Variants in AKAP6 observed in about 807,000 individuals in gnomAD.
The protein encoded by AKAP6 is A-kinase anchoring protein 6.
Under a neutral mutation model 188.5 loss-of-function variants are expected in AKAP6, and 58 were observed. That is an observed-to-expected ratio of 0.31 (90% confidence interval 0.25 to 0.38). AKAP6 has a LOEUF of 0.38. Among genes scored for constraint, AKAP6 ranks in the 10% least tolerant of loss-of-function variants. The pLI is 1.00. For missense variants in AKAP6, 2,710 were observed against 2,740.0 expected, an observed-to-expected ratio of 0.99 and a Z score of 0.24; for synonymous variants, 989 against 998.6, an observed-to-expected ratio of 0.99 and a Z score of 0.18.
At chr14:32,375,197 G>T (rs557780299) in intron 1 of AKAP6, among the ~76,000 whole-genome samples, 5 of 152,260 alleles carry the variant, frequency 3.3e-5, no homozygotes, top group Admixed American at 2.6e-4. Context: ...AGGGTTGAGA[G>T]AATAGAAAAA....
intron 2 of AKAP6, among the ~76,000 whole-genome samples, chr14:32,490,015 CA>C (rs1393524554): frequency 1.3e-5 from 2 of 151,730 alleles, no homozygotes; most frequent in African/African-American, 4.9e-5. Context: ...GTTTTTCGGA[CA>C]GGGGGTGGAT....
chr14:32,572,553 C>T lies in AKAP6; in HGVS notation c.2347-4567C>T, dbSNP rs149686002. On this transcript the variant is annotated intron_variant, in intron 4 of 13. Transcript: ENST00000280979. ...ACCGCCCAGACAGTTTATATTTAACCAAACAAGGCTTGTTGTAGAGGAGAA... is the reference window on the plus strand; with the variant it reads ...ACCGCCCAGACAGTTTATATTTAACTAAACAAGGCTTGTTGTAGAGGAGAA... Among the ~76,000 whole-genome samples the T allele has an allele frequency of 2.0e-5, 3 of 152,262 alleles. No homozygotes were observed. The East Asian group carries it at 5.8e-4, about 29-fold the overall frequency.
intron 9 of AKAP6, among the ~76,000 whole-genome samples, chr14:32,712,915 A>C (rs2139758396): frequency 6.6e-6 from 1 of 152,194 alleles, no homozygotes; most frequent in Non-Finnish European, 1.5e-5. Flanking sequence ...TAGAATGGTG[A>C]AGCCTTTTCA....
At chr14:32,466,263 A>G (rs1056485875) in intron 2 of AKAP6, among the ~76,000 whole-genome samples, 4 of 152,214 alleles carry the variant, frequency 2.6e-5, no homozygotes, top group African/African-American at 9.6e-5. Flanking sequence ...TCTTGTATAG[A>G]GATGCATGCA....
chr14:32,397,382 T>C (rs1888915869), intron 1 of AKAP6, among the ~76,000 whole-genome samples: 1 of 150,618 alleles, frequency 6.6e-6, no homozygotes, highest in South Asian at 2.1e-4. Context: ...ATTGTCTTTT[T>C]TTTTTTTTTT....
intron 11 of AKAP6, among the ~76,000 whole-genome samples, chr14:32,747,076 A>T (rs1445898087): frequency 6.6e-6 from 1 of 152,118 alleles, no homozygotes; most frequent in Non-Finnish European, 1.5e-5. Context: ...TGTTTCCTAA[A>T]ACCTCAGTGC....
At position 32,709,762 on chromosome 14, in the gene AKAP6, T is replaced by C. The variant is rs372568399; in HGVS notation, c.3000+13652T>C. On this transcript the variant is annotated intron_variant, in intron 9 of 13. Transcript: ENST00000280979. ...TGTAAATCCTCTCTGTTGGTGGTAT[T>C]AATTGTCAAATCAGCCAGAATCCAT... 2.0e-5 allele frequency among the ~76,000 whole-genome samples: 3 copies of C among 152,048 alleles called. No homozygotes were observed. The South Asian group carries it at 6.2e-4, about 32-fold the overall frequency.
chr14:32,535,372 C>A (rs1424789445), intron 2 of AKAP6, among the ~76,000 whole-genome samples, 182 bp from the exon 3 acceptor site: 1 of 152,184 alleles, frequency 6.6e-6, no homozygotes, highest in African/African-American at 2.4e-5. Flanking sequence ...ACCGAAGGCC[C>A]AGTGCACAGG....
chr14:32,735,445 T>C (rs548701053), intron 10 of AKAP6, among the ~76,000 whole-genome samples: 14 of 152,104 alleles, frequency 9.2e-5, no homozygotes, highest in Non-Finnish European at 1.8e-4. Context: ...CACTGAGAAT[T>C]CGAATACTAA....
chr14:32,750,731 AATTTTG>A (rs2032092630), intron 11 of AKAP6, among the ~76,000 whole-genome samples: 1 of 93,572 alleles, frequency 1.1e-5, no homozygotes. Context: ...TCACTAAATT[AATTTTG>A]TTTTTTTTTT....
chr14:32,804,346 A>G (rs1421790733), intron 12 of AKAP6, among the ~76,000 whole-genome samples: 1 of 152,176 alleles, frequency 6.6e-6, no homozygotes, highest in African/African-American at 2.4e-5. Context: ...CAGACCCTCC[A>G]AAGGGAGGAA....
intron 2 of AKAP6, among the ~76,000 whole-genome samples, chr14:32,488,741 C>T (rs552084927): frequency 5.3e-5 from 8 of 152,164 alleles, no homozygotes; most frequent in Non-Finnish European, 1.2e-4. Flanking sequence ...ATAGCACGGT[C>T]CTTCACTCGT....
At chr14:32,488,116 A>C (rs1286747073) in intron 2 of AKAP6, among the ~76,000 whole-genome samples, 1 of 152,236 alleles carries the variant, frequency 6.6e-6, no homozygotes, top group African/African-American at 2.4e-5. Context: ...AGTCTGCTAA[A>C]GCTGCGCCCA....
At position 32,548,419 on chromosome 14, in the gene AKAP6, T is replaced by TA. The variant is rs1883299561; in HGVS notation, c.2346+1421dup. ...GCGTGGCCCATACATTTTTTTTTTT[T>TA]ACTTGATCTTCACAGCTGTCCTGTG... On this transcript the variant is annotated intron_variant, in intron 4 of 13. Coordinates refer to ENST00000280979, the MANE Select transcript of AKAP6 (RefSeq NM_004274.5). Among the ~76,000 whole-genome samples the TA allele has an allele frequency of 2.0e-5, 3 of 151,898 alleles. No individual in the cohort carries two copies. In the South Asian group the frequency reaches 6.2e-4, roughly 32 times the overall value.
intron 11 of AKAP6, among the ~76,000 whole-genome samples, chr14:32,769,037 A>ATTT (rs544997334): frequency 0.043 from 2,450 of 56,654 alleles, 688 homozygotes; most frequent in African/African-American, 0.1. Context: ...TGCTCTTTTG[A>ATTT]TTTTTTTTTT....
intron 1 of AKAP6, among the ~76,000 whole-genome samples, chr14:32,343,598 A>C (rs1388613931): frequency 1.3e-5 from 2 of 151,802 alleles, no homozygotes; most frequent in Non-Finnish European, 1.5e-5. Context: ...AATACAAAAA[A>C]TTAGCCAGGC....
chr14:32,385,146 T>G (rs1285263972), intron 1 of AKAP6: 2 of 28,892 alleles, frequency 6.9e-5, no homozygotes, highest in Non-Finnish European at 2.5e-4. Context: ...CATGACACTC[T>G]GAAAAAAAAA....
intron 2 of AKAP6, among the ~76,000 whole-genome samples, chr14:32,528,731 G>A (rs1214229009): frequency 6.6e-6 from 1 of 152,120 alleles, no homozygotes; most frequent in Non-Finnish European, 1.5e-5. Context: ...AGGCTGGAGT[G>A]CAATGGCGTG....
At chr14:32,718,753 G>A (rs973681763) in intron 9 of AKAP6, among the ~76,000 whole-genome samples, 30 of 152,148 alleles carry the variant, frequency 2.0e-4, no homozygotes, top group African/African-American at 7.2e-4. Flanking sequence ...CAAAGATAAA[G>A]CAATCACACT....
Sources: gnomAD v4.1 joint callset for allele counts (sites outside exome capture counted in the v4.1 genomes callset) on GRCh38, gnomAD v4.1.1 for gene constraint, MANE v1.5 for transcripts, NCBI Gene and HGNC (gene_info 2026-07-23, HGNC 2026-07-21) for gene names.